KDM2B: variants seen among roughly 807,000 people sequenced by gnomAD.
KDM2B encodes the protein lysine demethylase 2B, also known as lysine-specific demethylase 2B.
In KDM2B, 26 loss-of-function variants were observed where a neutral mutation model predicts 150.0. That is an observed-to-expected ratio of 0.17 (90% CI 0.13 to 0.24). The LOEUF (loss-of-function observed/expected upper bound fraction) is 0.24. KDM2B is among the 10% of genes least tolerant of loss of function. The pLI is 1.00. For missense variants in KDM2B, 1,265 were observed against 1,816.9 expected, an observed-to-expected ratio of 0.70 and a Z score of 5.52; for synonymous variants, 734 against 729.5, an observed-to-expected ratio of 1.01 and a Z score of -0.10.
At chr12:121,507,459 A>T (rs930697620) in intron 11 of KDM2B, among the ~76,000 whole-genome samples, 6 of 152,252 alleles carry the variant, frequency 3.9e-5, no homozygotes, top group Non-Finnish European at 5.9e-5. Context: ...GAGATGCCTC[A>T]TTTCATATTA....
intron 22 of KDM2B, chr12:121,433,142 T>C (rs781909109): frequency 3.1e-5 from 14 of 456,590 alleles, no homozygotes; most frequent in African/African-American, 2.8e-4. Context: ...CCAGCCAGCA[T>C]TCTTCCTGGC....
chr12:121,461,990 T>C (rs535250442), intron 12 of KDM2B, among the ~76,000 whole-genome samples: 21 of 152,296 alleles, frequency 1.4e-4, no homozygotes, highest in African/African-American at 4.8e-4. Context: ...GTTACAAGTT[T>C]CAACTGTCAA....
In KDM2B at chr12:121,580,901, G is replaced by A; in HGVS notation, c.11C>T (p.Pro4Leu). The A allele has an allele frequency of 6.2e-7, 1 of 1,613,492 alleles. No individual in the cohort carries two copies. Among genetic ancestry groups the A allele is most frequent in the Non-Finnish European group, 8.5e-7 (1 of 1,179,752 alleles). The change falls in exon 1 of 23, where the codon CCG becomes CTG. Residue 4 changes from proline (P) to leucine (L), a missense_variant. This residue lies in a region of KDM2B where 53 missense variants were observed against 56.0 expected (regional missense o/e 0.95). Transcript: ENST00000377071. MAG[P>L]QMGGSAEDHP... is the part of the protein sequence containing the mutation. ...ATCCTCTGCAGATCCCCCCATTTGCGGACCCGCCATGTGGAGGAGGCATTT... is the reference window on the plus strand; with the variant it reads ...ATCCTCTGCAGATCCCCCCATTTGCAGACCCGCCATGTGGAGGAGGCATTT...
chr12:121,450,168 G>T (rs1876978020), intron 13 of KDM2B, among the ~76,000 whole-genome samples: 1 of 152,032 alleles, frequency 6.6e-6, no homozygotes, highest in Non-Finnish European at 1.5e-5. Flanking sequence ...ACAAAAATTA[G>T]CTGGGTGTGG....
chr12:121,535,505 G>A (rs1276368987), intron 6 of KDM2B, among the ~76,000 whole-genome samples: 8 of 152,194 alleles, frequency 5.3e-5, no homozygotes, highest in African/African-American at 9.7e-5. Context: ...AAAACTCTGT[G>A]AACATACTAA....
At chr12:121,417,665 G>A in the KDM2B span, 1 of 1,614,180 alleles carries the variant, frequency 6.2e-7, no homozygotes, top group Non-Finnish European at 8.5e-7. The surrounding 1 kb of genome is among the most constrained non-coding windows in gnomAD (Gnocchi z 5.0). Context: ...ATCTCATTCT[G>A]AGAAATATAC....
At chr12:121,415,315 G>T in the KDM2B span, 1 of 378,474 alleles carries the variant, frequency 2.6e-6, no homozygotes, top group South Asian at 1.9e-5. Context: ...GAGGTTTAAG[G>T]AAATGAAGTA....
At chr12:121,551,899 AC>A (rs1428106108) in intron 4 of KDM2B, among the ~76,000 whole-genome samples, 1 of 152,144 alleles carries the variant, frequency 6.6e-6, no homozygotes, top group Non-Finnish European at 1.5e-5. Context: ...CACATTCTCC[AC>A]AAAAAGGAAA....
At chr12:121,438,857 T>A (rs923242849) in intron 22 of KDM2B, among the ~76,000 whole-genome samples, 2 of 152,006 alleles carry the variant, frequency 1.3e-5, no homozygotes, top group Non-Finnish European at 2.9e-5. Context: ...CTGTAGTTTC[T>A]TTTTCTCTTT....
intron 6 of KDM2B, among the ~76,000 whole-genome samples, chr12:121,548,297 T>C (rs1889224460): frequency 6.6e-6 from 1 of 152,100 alleles, no homozygotes; most frequent in Admixed American, 6.6e-5. Flanking sequence ...AAATAAACCA[T>C]GGTTAACTTC....
At chr12:121,436,242 C>T (rs1318261479) in intron 22 of KDM2B, among the ~76,000 whole-genome samples, 2 of 152,198 alleles carry the variant, frequency 1.3e-5, no homozygotes, top group African/African-American at 4.8e-5. Context: ...TAAGTTGTGG[C>T]CGGACGCGGT....
intron 4 of KDM2B, among the ~76,000 whole-genome samples, chr12:121,551,556 G>A (rs1889496423): frequency 6.6e-6 from 1 of 151,648 alleles, no homozygotes; most frequent in African/African-American, 2.4e-5. Context: ...TTCTTTGTTT[G>A]GTTGGTTGGT....
At chr12:121,499,503 T>C (rs1884312068) in intron 11 of KDM2B, among the ~76,000 whole-genome samples, 1 of 152,006 alleles carries the variant, frequency 6.6e-6, no homozygotes, top group Non-Finnish European at 1.5e-5. Flanking sequence ...ATTTAAAAAT[T>C]AGCTGGGCAT....
intron 4 of KDM2B, among the ~76,000 whole-genome samples, chr12:121,551,507 A>G (rs1889491582): frequency 6.6e-6 from 1 of 151,566 alleles, no homozygotes; most frequent in African/African-American, 2.4e-5. Flanking sequence ...CACCACATCC[A>G]ACCAGGTTTT....
chr12:121,549,350 C>A lies in KDM2B; in HGVS notation c.576+110G>T. The A allele has an allele frequency of 9.7e-7, 1 of 1,026,832 alleles. No individual in the cohort carries two copies. Among genetic ancestry groups the A allele is most frequent in the South Asian group, 1.7e-5 (1 of 58,940 alleles). The allele number at this position is 1,026,832 out of a possible 1,614,324, so 63.6% of individuals were successfully genotyped here. Reference sequence around the variant, plus strand: ...CACCCCTATGCCTGCCAAGCCCAGCCAGCCACACCCACATGAGCCTTTTTG... The same window carrying A: ...CACCCCTATGCCTGCCAAGCCCAGCAAGCCACACCCACATGAGCCTTTTTG... On this transcript the variant is annotated intron_variant, in intron 5 of 22. Transcript: ENST00000377071. The surrounding 1 kb of genome is among the most constrained non-coding windows in gnomAD (Gnocchi z 4.4).
At chr12:121,529,166 T>C (rs1555307402) in intron 8 of KDM2B, among the ~76,000 whole-genome samples, 1 of 152,240 alleles carries the variant, frequency 6.6e-6, no homozygotes, top group East Asian at 1.9e-4. Flanking sequence ...ATGCCAGGGA[T>C]GGTTTAACAT....
At chr12:121,516,555 TTTGTTGACAGACTCGGA>T in intron 9 of KDM2B, 1 of 1,443,566 alleles carries the variant, frequency 6.9e-7, no homozygotes, top group South Asian at 1.3e-5. Flanking sequence ...CTCAACATTA[TTTGTTGACAGACTCGGA>T]GCCTCACCAA....
chr12:121,564,311 A>C (rs546225708), intron 4 of KDM2B, among the ~76,000 whole-genome samples: 70 of 151,046 alleles, frequency 4.6e-4, no homozygotes, highest in African/African-American at 1.7e-3. Context: ...CAAAAAAATT[A>C]GCCGGGCGTG....
At chr12:121,486,679 G>T (rs577424235) in intron 12 of KDM2B, among the ~76,000 whole-genome samples, 1 of 151,824 alleles carries the variant, frequency 6.6e-6, no homozygotes, top group African/African-American at 2.4e-5. Context: ...CCAGCTACTC[G>T]GGAGGCTGAG....
Sources: allele counts gnomAD v4.1 joint callset (sites outside exome capture counted in the v4.1 genomes callset), GRCh38; gene constraint gnomAD v4.1.1; regional missense constraint gnomAD v4.1.1; non-coding constraint Gnocchi (gnomAD v3.1); transcripts MANE v1.5; gene names NCBI Gene and HGNC (gene_info 2026-07-23, HGNC 2026-07-21).